Variants in PEX7 observed in about 807,000 individuals in gnomAD.
PEX7 encodes the protein PTS2 receptor.
A neutral mutation model predicts 47.5 loss-of-function variants in PEX7; 34 were observed. The observed-to-expected ratio is 0.72, with a 90% CI of 0.54 to 0.95. PEX7 has a LOEUF of 0.95. Among genes scored for constraint, PEX7 ranks in the 40% least tolerant of loss-of-function variants. The pLI, the probability that PEX7 is intolerant of heterozygous loss-of-function variation, is 0.00. For synonymous variants in PEX7, 141 were observed against 148.8 expected (o/e 0.95, Z 0.38); for missense variants, 394 against 400.3 (o/e 0.98, Z 0.13).
intron 8 of PEX7, among the ~76,000 whole-genome samples, chr6:136,887,054 A>AT (rs1311717386): frequency 6.6e-6 from 1 of 152,152 alleles, no homozygotes; most frequent in Non-Finnish European, 1.5e-5. Flanking sequence ...CTTGAAAAAA[A>AT]CAAACAAAAA....
rs531540531 is a variant in PEX7, at chr6:136,902,729, A to G, written c.903+4488A>G. Among the ~76,000 whole-genome samples the G allele has an allele frequency of 8.5e-5, 13 of 152,210 alleles. No homozygotes were observed. The South Asian group carries it at 2.7e-3, about 32-fold the overall frequency. ...ACCTATTTATATAACTGGAATTTCTATATTAGTTTAGAATTCCTGACTTTG... is the reference window on the plus strand; with the variant it reads ...ACCTATTTATATAACTGGAATTTCTGTATTAGTTTAGAATTCCTGACTTTG... On this transcript the variant is annotated intron_variant, in intron 9 of 9. Coordinates refer to ENST00000318471, the MANE Select transcript of PEX7 (RefSeq NM_000288.4).
chr6:136,902,114 T>G (rs532995378), intron 9 of PEX7, among the ~76,000 whole-genome samples: 1 of 152,342 alleles, frequency 6.6e-6, no homozygotes, highest in South Asian at 2.1e-4. Flanking sequence ...ATATTTATCC[T>G]TTAGTCTCAT....
chr6:136,894,399 G>C lies in PEX7; in HGVS notation c.804-3743G>C, dbSNP rs974699225. ...GAGGTCAGGAGTTCAAGACCAGCCTGACCAACATGGTGAAATCCCATCTCT... is the reference window on the plus strand; with the variant it reads ...GAGGTCAGGAGTTCAAGACCAGCCTCACCAACATGGTGAAATCCCATCTCT... On this transcript the variant is annotated intron_variant, in intron 8 of 9. Transcript: ENST00000318471. Among the ~76,000 whole-genome samples the C allele has an allele frequency of 3.3e-5, 5 of 152,190 alleles. No homozygotes were observed. In the South Asian group the frequency reaches 1.0e-3, roughly 32 times the overall value.
At chr6:136,842,008 T>C (rs1372947639) in intron 3 of PEX7, among the ~76,000 whole-genome samples, 2 of 150,726 alleles carry the variant, frequency 1.3e-5, no homozygotes, top group South Asian at 2.1e-4. Context: ...TTTTCTTTTT[T>C]TTTTTTTTGA....
rs886829129 is a variant in PEX7 at position 136,845,788 on chromosome 6, A to G, written c.417+96A>G. 14 of 833,002 alleles carry G rather than the reference A, an allele frequency of 1.7e-5. No individual in the cohort carries two copies. The Admixed American group carries it at 2.3e-4, about 14-fold the overall frequency. The allele number at this position is 833,002 out of a possible 1,614,324, so 51.6% of individuals were successfully genotyped here. A position where few individuals can be genotyped will look rare whatever the true frequency, so the allele number is the denominator to read the frequency against. ...TTTTCCAACATACTTCTGTAGCTCTATGATTCGACAGCTGAGCTTTCTTTT... is the reference window on the plus strand; with the variant it reads ...TTTTCCAACATACTTCTGTAGCTCTGTGATTCGACAGCTGAGCTTTCTTTT... On this transcript the variant is annotated intron_variant, in intron 4 of 9. Coordinates refer to ENST00000318471, the MANE Select transcript of PEX7 (RefSeq NM_000288.4).
At chr6:136,837,850 A>G (rs979553917) in intron 3 of PEX7, among the ~76,000 whole-genome samples, 2 of 151,422 alleles carry the variant, frequency 1.3e-5, no homozygotes, top group Non-Finnish European at 2.9e-5. Context: ...ACACACGTAC[A>G]TGTATTTTCA....
intron 8 of PEX7, among the ~76,000 whole-genome samples, chr6:136,888,275 A>T (rs570565443): frequency 6.6e-6 from 1 of 152,240 alleles, no homozygotes; most frequent in African/African-American, 2.4e-5. Context: ...ATCTTTTAAG[A>T]TAGTTGTTTT....
intron 8 of PEX7, among the ~76,000 whole-genome samples, chr6:136,894,233 C>T (rs1192182127): frequency 2.0e-5 from 3 of 151,978 alleles, no homozygotes; most frequent in Non-Finnish European, 4.4e-5. Context: ...CCAAGGTGGG[C>T]AGATCACAAG....
intron 5 of PEX7, among the ~76,000 whole-genome samples, chr6:136,848,378 T>C (rs924778026): frequency 1.3e-5 from 2 of 152,228 alleles, no homozygotes; most frequent in Admixed American, 6.5e-5. Flanking sequence ...TCCAACACTA[T>C]GTTGAATAGG....
intron 2 of PEX7, among the ~76,000 whole-genome samples, chr6:136,825,475 T>C (rs1774170883): frequency 6.6e-6 from 1 of 152,160 alleles, no homozygotes; most frequent in Non-Finnish European, 1.5e-5. Flanking sequence ...GAAGGATCAC[T>C]TGAGGCCGGG....
At chr6:136,840,262 A>G (rs547232398) in intron 3 of PEX7, among the ~76,000 whole-genome samples, 163 of 152,298 alleles carry the variant, frequency 1.1e-3, no homozygotes, top group African/African-American at 3.8e-3. Flanking sequence ...TACCTATACC[A>G]TTAGCGTCCC....
intron 8 of PEX7, among the ~76,000 whole-genome samples, chr6:136,877,928 A>G (rs1028789807): frequency 6.6e-6 from 1 of 152,150 alleles, no homozygotes. Flanking sequence ...GATTCTTCCT[A>G]TCCATGAGCA....
At chr6:136,824,648 T>C (rs1411272568) in intron 1 of PEX7, among the ~76,000 whole-genome samples, 1 of 152,248 alleles carries the variant, frequency 6.6e-6, no homozygotes, top group African/African-American at 2.4e-5. Context: ...CAATGGCCCT[T>C]TGGTAAAATA....
intron 5 of PEX7, among the ~76,000 whole-genome samples, chr6:136,864,562 C>T (rs1292617636): frequency 2.0e-5 from 3 of 152,186 alleles, no homozygotes; most frequent in Non-Finnish European, 4.4e-5. Flanking sequence ...ACTGCCAACA[C>T]ATTTCTTATC....
At position 136,824,394 on chromosome 6, in the gene PEX7, CAG is replaced by C. The variant is rs1022788758; in HGVS notation, c.131-819_131-818del. ...TTTTGATTTTTTATTTTTGTAGAGA[CAG>C]GGTATCACTATGTTGCCCAGGCTGG... On this transcript the variant is annotated intron_variant, in intron 1 of 9. Coordinates refer to ENST00000318471, the MANE Select transcript of PEX7 (RefSeq NM_000288.4). Among the ~76,000 whole-genome samples, 218 of 152,128 alleles carry C rather than the reference CAG, an allele frequency of 1.4e-3. 1 individual carries two copies. Among genetic ancestry groups the C allele is most frequent in the African/African-American group, 4.9e-3 (204 of 41,488 alleles).
chr6:136,857,071 G>T (rs1048613209), intron 5 of PEX7, among the ~76,000 whole-genome samples: 15 of 152,158 alleles, frequency 9.9e-5, no homozygotes, highest in African/African-American at 3.4e-4. Flanking sequence ...CTTCCACTCT[G>T]CAAAAATATT....
intron 8 of PEX7, among the ~76,000 whole-genome samples, chr6:136,872,469 C>T (rs1410050412): frequency 6.6e-6 from 1 of 152,036 alleles, no homozygotes; most frequent in Non-Finnish European, 1.5e-5. Context: ...ATTAGCCTGG[C>T]TATTCTGTTT....
intron 8 of PEX7, among the ~76,000 whole-genome samples, chr6:136,878,397 A>G (rs34721682): frequency 0.097 from 14,809 of 152,254 alleles, 824 homozygotes; most frequent in Admixed American, 0.14. Flanking sequence ...TTCAAAGGGA[A>G]TGGTTCCAGC....
At position 136,902,208 on chromosome 6, in the gene PEX7, A is replaced by G. The variant is rs1014688422; in HGVS notation, c.903+3967A>G. Among the ~76,000 whole-genome samples the G allele has an allele frequency of 7.9e-5, 12 of 152,080 alleles. No individual in the cohort carries two copies. In the East Asian group the frequency reaches 2.3e-3, roughly 29 times the overall value. On this transcript the variant is annotated intron_variant, in intron 9 of 9. Coordinates refer to ENST00000318471, the MANE Select transcript of PEX7 (RefSeq NM_000288.4). ...TTCCCTTAGAAAGTATCTTTCTCTC[A>G]CCTCTTAGTGTCTTTCCATCTGCTT...
Sources: allele counts gnomAD v4.1 joint callset (sites outside exome capture counted in the v4.1 genomes callset), GRCh38; gene constraint gnomAD v4.1.1; transcripts MANE v1.5; gene names NCBI Gene and HGNC (gene_info 2026-07-23, HGNC 2026-07-21).